Variants in ZNF2 observed in about 807,000 individuals in gnomAD.
ZNF2 encodes zinc finger protein 2.2.
In ZNF2, 12 loss-of-function variants were observed where a neutral mutation model predicts 21.9. That is an observed-to-expected ratio of 0.55 (90% CI 0.35 to 0.89). ZNF2 has a LOEUF of 0.89. Among genes scored for constraint, ZNF2 ranks in the 40% least tolerant of loss-of-function variants. The pLI is 0.01. For synonymous variants in ZNF2, 186 were observed against 196.3 expected, an observed-to-expected ratio of 0.95 and a Z score of 0.44; for missense variants, 462 against 544.2, an observed-to-expected ratio of 0.85 and a Z score of 1.50.
rs552098126 is a variant in ZNF2 at position 95,177,392 on chromosome 2, C to T, written c.34-91C>T. The stretch of plus-strand genomic sequence containing the variant: ...ACTGTTTTTCTTTCCTCCCACCATG[C>T]GTCCTCCAGGGCTGTCATCTTTGAC... On this transcript the variant is annotated intron_variant, in intron 2 of 4. Transcript: ENST00000614034. The T allele has an allele frequency of 3.5e-5, 51 of 1,457,810 alleles. No homozygotes were observed. The Middle Eastern group carries it at 5.6e-4, about 16-fold the overall frequency. 90.3% of individuals were successfully genotyped at this position (1,457,810 alleles called of 1,614,324 possible).
Position 95,182,181 on chromosome 2 carries a change from A to G in ZNF2, c.*75A>G. 6.6e-7 allele frequency: 1 copy of G among 1,515,720 alleles called. No homozygotes were observed. The highest frequency in any genetic ancestry group is 1.4e-5 in the African/African-American group (1 of 72,038). 93.9% of individuals were successfully genotyped at this position (1,515,720 alleles called of 1,614,324 possible). ...AGATCTCGCCTGTCTTAAAGCTGCC[A>G]TTTGCTCATTCTACCCACTCTGGCT... On this transcript the variant is annotated 3_prime_UTR_variant, in exon 5 of 5. Transcript: ENST00000614034.
intron 3 of ZNF2, 94 bp from the exon 4 acceptor site, chr2:95,180,065 C>T: frequency 1.1e-6 from 1 of 898,666 alleles, no homozygotes; most frequent in Non-Finnish European, 1.8e-6. Flanking sequence ...TCAACAACAA[C>T]AAAAAAATCT....
At chr2:95,170,670 G>A (rs1220805329) in intron 1 of ZNF2, among the ~76,000 whole-genome samples, 1 of 152,202 alleles carries the variant, frequency 6.6e-6, no homozygotes. Context: ...TGAAAACTTA[G>A]TTGTTCCTTA....
Position 95,181,212 on chromosome 2 carries a change from T to C in ZNF2, c.384T>C (p.His128=). ...QSPLCPKFEV[H]TPNGRMGTEK... ...CTCTGTGTCCTAAATTTGAAGTTCA[T>C]ACACCCAATGGCAGGATGGGAACAG... The change falls in exon 5 of 5, where the codon CAT becomes CAC. Residue 128 remains histidine, a synonymous_variant. Transcript: ENST00000614034. 1.2e-6 allele frequency: 2 copies of C among 1,614,164 alleles called. No homozygotes were observed. The highest frequency in any genetic ancestry group is 1.7e-6 in the Non-Finnish European group (2 of 1,180,020).
rs1331583784 is a variant in ZNF2, at chr2:95,181,249, C to G, written c.421C>G (p.Pro141Ala). 1.2e-6 allele frequency: 2 copies of G among 1,614,154 alleles called. No homozygotes were observed. Among genetic ancestry groups the G allele is most frequent in the Non-Finnish European group, 1.7e-6 (2 of 1,180,008 alleles). The part of the protein sequence containing the change: ...NGRMGTEKQS[P>A]SGETRKKSLS... ...CAGGATGGGAACAGAAAAGCAAAGC[C>G]CTTCAGGGGAGACTCGTAAGAAATC... Residue 141 changes from proline to alanine, a missense_variant, in exon 5 of 5, where the codon CCT becomes GCT. By Grantham distance (27) the Pro-to-Ala change is conservative (BLOSUM62 -1). Transcript: ENST00000614034.
intron 1 of ZNF2, among the ~76,000 whole-genome samples, chr2:95,173,340 C>T (rs1674345366): frequency 6.6e-6 from 1 of 152,106 alleles, no homozygotes; most frequent in Admixed American, 6.6e-5. Flanking sequence ...AAGTTGTTTG[C>T]AGTTTATCAC....
chr2:95,177,381 C>T, intron 2 of ZNF2, 102 bp from the exon 3 acceptor site: 4 of 1,393,226 alleles, frequency 2.9e-6, no homozygotes, highest in East Asian at 2.4e-5. Flanking sequence ...TTTTTCTTTC[C>T]TCCCACCATG....
In ZNF2 at chr2:95,183,613, A is replaced by ATTTTTTTTT. The variant is rs761092352; in HGVS notation, c.*1522_*1530dup. On this transcript the variant is annotated 3_prime_UTR_variant, in exon 5 of 5. Coordinates refer to ENST00000614034, the MANE Select transcript of ZNF2 (RefSeq NM_021088.4). ...TCTTCTCTTCCCTGGGCCCAGTCCT[A>ATTTTTTTTT]TTTTTTTTTTTTTTTTTTTTTTTGT... The ATTTTTTTTT allele has an allele frequency of 4.6e-5, 4 of 87,200 alleles. No individual in the cohort carries two copies. Among genetic ancestry groups the ATTTTTTTTT allele is most frequent in the African/African-American group, 5.1e-5 (1 of 19,556 alleles). The allele number at this position is 87,200 out of a possible 1,614,324, so 5.4% of individuals were successfully genotyped here. A position where few individuals can be genotyped will look rare whatever the true frequency, so the allele number is the denominator to read the frequency against.
rs775168580 is a variant in ZNF2 at position 95,181,410 on chromosome 2, TCACA to T, written c.584_587del (p.His195LeufsTer25). 4 of 1,614,170 alleles carry T rather than the reference TCACA, an allele frequency of 2.5e-6. No homozygotes were observed. Among genetic ancestry groups the T allele is most frequent in the Non-Finnish European group, 3.4e-6 (4 of 1,180,022 alleles). ...CATCCCTCACCCGCCATCAGAGGAC[TCACA>T]CTGGGGAGAAGCCCTACGACTGCCG... On this transcript the variant is annotated frameshift_variant, in exon 5 of 5. Coordinates refer to ENST00000614034, the MANE Select transcript of ZNF2 (RefSeq NM_021088.4). LOFTEE classifies it high-confidence loss of function.
chr2:95,167,639 G>A (rs1674125380), intron 1 of ZNF2, among the ~76,000 whole-genome samples: 1 of 151,608 alleles, frequency 6.6e-6, no homozygotes. Context: ...CTTGACGTCA[G>A]GAGTTCAAGA....
intron 1 of ZNF2, among the ~76,000 whole-genome samples, chr2:95,167,604 T>TG (rs1425454872): frequency 6.6e-6 from 1 of 150,966 alleles, no homozygotes; most frequent in Non-Finnish European, 1.5e-5. Context: ...TCCCAGCACT[T>TG]TGGGAAGCCG....
intron 1 of ZNF2, 26 bp from the exon 2 acceptor site, chr2:95,176,162 C>T (rs1674434443): frequency 1.2e-6 from 2 of 1,602,560 alleles, no homozygotes; most frequent in Non-Finnish European, 1.7e-6. Context: ...TACCTTCTTT[C>T]TCACCCCCCA....
chr2:95,176,094 T>TC (rs1674431078), intron 1 of ZNF2, 94 bp from the exon 2 acceptor site: 2 of 1,095,380 alleles, frequency 1.8e-6, no homozygotes, highest in Non-Finnish European at 2.8e-6. Flanking sequence ...GGATGACATA[T>TC]CCCCCTGGTA....
At chr2:95,168,105 G>A (rs1217278012) in intron 1 of ZNF2, among the ~76,000 whole-genome samples, 1 of 151,568 alleles carries the variant, frequency 6.6e-6, no homozygotes, top group East Asian at 2.0e-4. Flanking sequence ...AAGTGCTACT[G>A]GGGTGGAAAA....
Position 95,181,330 on chromosome 2 carries a change from A to G in ZNF2, c.502A>G (p.Thr168Ala), listed in dbSNP as rs1273544451. Residue 168 changes from threonine to alanine, a missense_variant, in exon 5 of 5, where the codon ACT (threonine) becomes GCT (alanine). By Grantham distance (58) the Thr-to-Ala change is moderately conservative. Coordinates refer to ENST00000614034, the MANE Select transcript of ZNF2 (RefSeq NM_021088.4). ...GTCAGCCCTGTCCAGGGAAATTCTC[A>G]CTAAAGAGAGACACCAGGAATGCAG... ...RRSALSREIL[T>A]KERHQECSDC... 2 of 1,614,050 alleles carry G rather than the reference A, an allele frequency of 1.2e-6. No homozygotes were observed. The highest frequency in any genetic ancestry group is 1.7e-5 in the Admixed American group (1 of 60,026).
chr2:95,169,239 TCAC>T (rs1210626892), intron 1 of ZNF2, among the ~76,000 whole-genome samples: 2 of 152,218 alleles, frequency 1.3e-5, no homozygotes, highest in African/African-American at 4.8e-5. Context: ...GCTTATATGT[TCAC>T]CACCATTTGT....
At chr2:95,176,061 G>C in intron 1 of ZNF2, 127 bp from the exon 2 acceptor site, 3 of 857,122 alleles carry the variant, frequency 3.5e-6, no homozygotes, top group Non-Finnish European at 5.9e-6. Context: ...GCTTTACTTA[G>C]ACCCCCTTTT....
intron 1 of ZNF2, among the ~76,000 whole-genome samples, chr2:95,173,283 A>G (rs1674343147): frequency 6.6e-6 from 1 of 152,102 alleles, no homozygotes; most frequent in Non-Finnish European, 1.5e-5. Flanking sequence ...CATATATGAG[A>G]TAATGTATAT....
chr2:95,179,854 C>T (rs1010985272), intron 3 of ZNF2, among the ~76,000 whole-genome samples: 3 of 152,146 alleles, frequency 2.0e-5, no homozygotes, highest in African/African-American at 7.2e-5. Flanking sequence ...GTCAGGAGTT[C>T]GAAACCAGCG....
Sources: gnomAD v4.1 joint callset for allele counts (sites outside exome capture counted in the v4.1 genomes callset) on GRCh38, gnomAD v4.1.1 for gene constraint, MANE v1.5 for transcripts, NCBI Gene and HGNC (gene_info 2026-07-23, HGNC 2026-07-21) for gene names.